SLC8A1: variants seen among roughly 807,000 people sequenced by gnomAD.
SLC8A1 encodes solute carrier family 8 member A1.
SLC8A1 carries 18 observed loss-of-function variants against 68.3 expected under a neutral mutation model. The ratio of observed to expected loss-of-function variants is 0.26; its 90% confidence interval spans 0.18 to 0.39. The LOEUF (loss-of-function observed/expected upper bound fraction) is 0.39. SLC8A1 is among the 10% of genes least tolerant of loss of function. The probability of loss-of-function intolerance (pLI) is 1.00; values close to 1 mark genes in which losing one functional copy is unlikely to be tolerated. For synonymous variants in SLC8A1, 475 were observed against 415.5 expected (o/e 1.14, Z -1.74); for missense variants, 985 against 1,156.7 (o/e 0.85, Z 2.15).
intron 4 of SLC8A1, among the ~76,000 whole-genome samples, chr2:40,166,312 A>G (rs888405871): frequency 6.6e-6 from 1 of 152,204 alleles, no homozygotes; most frequent in Non-Finnish European, 1.5e-5. Flanking sequence ...AGGCAGTGCC[A>G]GCATTTAATA....
chr2:40,482,463 G>A (rs1025232936), intron 1 of SLC8A1, among the ~76,000 whole-genome samples: 1 of 152,152 alleles, frequency 6.6e-6, no homozygotes, highest in Non-Finnish European at 1.5e-5. Flanking sequence ...TTCTCTGAGG[G>A]CCTGAGAAGG....
intron 2 of SLC8A1, among the ~76,000 whole-genome samples, chr2:40,342,340 A>G (rs1230726241): frequency 2.6e-5 from 4 of 152,046 alleles, no homozygotes; most frequent in Non-Finnish European, 4.4e-5. Flanking sequence ...TGAATAAGCT[A>G]TTTGACATGT....
intron 1 of SLC8A1, among the ~76,000 whole-genome samples, chr2:40,490,836 G>A (rs1222840257): frequency 3.3e-5 from 5 of 152,106 alleles, no homozygotes; most frequent in Middle Eastern, 6.8e-3. Context: ...TGGAACATAC[G>A]GGAAAAGATG....
intron 6 of SLC8A1, among the ~76,000 whole-genome samples, chr2:40,144,766 T>C (rs1011306553): frequency 6.6e-6 from 1 of 152,144 alleles, no homozygotes; most frequent in Non-Finnish European, 1.5e-5. Flanking sequence ...TGTGACTGTT[T>C]TGGAACCTCT....
At chr2:40,230,745 C>G (rs903042049) in intron 2 of SLC8A1, among the ~76,000 whole-genome samples, 7 of 152,138 alleles carry the variant, frequency 4.6e-5, no homozygotes, top group Non-Finnish European at 7.4e-5. Context: ...TATTTACTTA[C>G]AGCTTACAAG....
intron 2 of SLC8A1, among the ~76,000 whole-genome samples, chr2:40,204,584 C>G (rs1452681203): frequency 6.6e-6 from 1 of 151,984 alleles, no homozygotes; most frequent in Non-Finnish European, 1.5e-5. Flanking sequence ...TCTAATGACT[C>G]TATCCCTTTG....
intron 2 of SLC8A1, among the ~76,000 whole-genome samples, chr2:40,226,529 C>A (rs1011768342): frequency 2.0e-5 from 3 of 152,142 alleles, no homozygotes; most frequent in African/African-American, 7.2e-5. Flanking sequence ...GCCTCTAAAT[C>A]CTTGCTCTAC....
exon 8 of SLC8A1, chr2:40,103,167 A>G (rs187678876): frequency 2.0e-4 from 30 of 152,292 alleles, no homozygotes; most frequent in African/African-American, 7.0e-4. Context: ...GGATTCCTTC[A>G]AGAGAAAGCT....
chr2:40,319,636 T>G (rs1486940643), intron 2 of SLC8A1, among the ~76,000 whole-genome samples: 11 of 152,104 alleles, frequency 7.2e-5, no homozygotes, highest in Non-Finnish European at 4.4e-5. Context: ...CAGTTCCGCC[T>G]GTCACAAAGC....
chr2:40,387,036 T>C (rs1683786467), intron 2 of SLC8A1, among the ~76,000 whole-genome samples: 1 of 151,370 alleles, frequency 6.6e-6, no homozygotes, highest in East Asian at 1.9e-4. Flanking sequence ...GAGATCAAAT[T>C]GTACATGAGC....
intron 3 of SLC8A1, 83 bp from the exon 5 acceptor site, chr2:40,174,925 C>T: frequency 2.3e-6 from 3 of 1,328,860 alleles, no homozygotes; most frequent in South Asian, 2.4e-5. Flanking sequence ...TGCCTGACAA[C>T]CCACCCAAGG....
At chr2:40,286,124 A>G (rs2068264741) in intron 2 of SLC8A1, among the ~76,000 whole-genome samples, 1 of 152,166 alleles carries the variant, frequency 6.6e-6, no homozygotes, top group African/African-American at 2.4e-5. Flanking sequence ...AGTAGTAGCT[A>G]ATAGATGTCT....
intron 2 of SLC8A1, among the ~76,000 whole-genome samples, chr2:40,415,713 G>A (rs948834386): frequency 3.9e-5 from 6 of 151,996 alleles, no homozygotes; most frequent in Admixed American, 2.0e-4. Context: ...TCAACCAGGT[G>A]TGGCCTGTTA....
At chr2:40,184,948 G>C (rs1312576121) in intron 2 of SLC8A1, among the ~76,000 whole-genome samples, 1 of 145,402 alleles carries the variant, frequency 6.9e-6, no homozygotes, top group African/African-American at 2.5e-5. Context: ...GATGGGCAAA[G>C]GATCTGAATG....
In SLC8A1 at chr2:40,341,422, G is replaced by T. The variant is rs369822493; in HGVS notation, c.1808+87051C>A. Among the ~76,000 whole-genome samples, 147 of 152,252 alleles carry T rather than the reference G, an allele frequency of 9.7e-4. 1 individual carries two copies. The highest frequency in any genetic ancestry group is 3.5e-3 in the African/African-American group (147 of 41,556). On this transcript the variant is annotated intron_variant, in intron 2 of 7. Transcript: ENST00000406785. ...ACCATGACTCATTGAAACTATTGTG[G>T]AGTCTAAATCAAGTAAATGAGATAG...
chr2:40,495,435 T>A (rs1383582710), intron 1 of SLC8A1, among the ~76,000 whole-genome samples: 1 of 152,058 alleles, frequency 6.6e-6, no homozygotes, highest in Non-Finnish European at 1.5e-5. Flanking sequence ...CTTAGAGTGT[T>A]TTTTTCTTCT....
intron 2 of SLC8A1, among the ~76,000 whole-genome samples, chr2:40,332,139 C>G (rs934619619): frequency 1.3e-5 from 2 of 152,012 alleles, no homozygotes; most frequent in African/African-American, 4.8e-5. Context: ...CAGAGATTTA[C>G]TAAAAGGCTT....
At chr2:40,241,695 T>C (rs181724037) in intron 2 of SLC8A1, among the ~76,000 whole-genome samples, 5 of 152,136 alleles carry the variant, frequency 3.3e-5, no homozygotes, top group Admixed American at 1.3e-4. Flanking sequence ...CTAATCCCAA[T>C]TCAGAGCCTG....
At chr2:40,246,577 C>T (rs925526789) in intron 2 of SLC8A1, among the ~76,000 whole-genome samples, 48 of 152,216 alleles carry the variant, frequency 3.2e-4, no homozygotes, top group African/African-American at 1.1e-3. Flanking sequence ...GTCAGTTCTT[C>T]TGCACATCTT....
Sources: gnomAD v4.1 joint callset for allele counts (sites outside exome capture counted in the v4.1 genomes callset) on GRCh38, gnomAD v4.1.1 for gene constraint, MANE v1.5 for transcripts, NCBI Gene and HGNC (gene_info 2026-07-23, HGNC 2026-07-21) for gene names.